ASIC2: variants seen among roughly 807,000 people sequenced by gnomAD.
The protein encoded by ASIC2 is acid-sensing ion channel 2.
Under a neutral mutation model 57.3 loss-of-function variants are expected in ASIC2, and 25 were observed. The observed-to-expected ratio is 0.44, with a 90% CI of 0.32 to 0.61. ASIC2 has a LOEUF of 0.61. Ranked by LOEUF, ASIC2 falls within the 20% of genes least tolerant of loss-of-function variation. ASIC2 has a pLI of 0.06. For missense variants in ASIC2, 641 were observed against 738.1 expected, an observed-to-expected ratio of 0.87 and a Z score of 1.52; for synonymous variants, 319 against 307.5, an observed-to-expected ratio of 1.04 and a Z score of -0.39.
chr17:33,997,238 C>A (rs969070794), intron 1 of ASIC2, among the ~76,000 whole-genome samples: 2 of 151,438 alleles, frequency 1.3e-5, no homozygotes, highest in Admixed American at 1.3e-4. Context: ...ACCTCCTGGG[C>A]TCAAGCTATC....
At chr17:33,667,127 GAACGATTCT>G (rs1377172552) in intron 1 of ASIC2, among the ~76,000 whole-genome samples, 1 of 152,154 alleles carries the variant, frequency 6.6e-6, no homozygotes, top group Non-Finnish European at 1.5e-5. Flanking sequence ...GATGAGATAA[GAACGATTCT>G]AAATCTCAGC....
intron 1 of ASIC2, among the ~76,000 whole-genome samples, chr17:33,197,962 C>T (rs571516315): frequency 7.9e-5 from 12 of 152,306 alleles, no homozygotes; most frequent in African/African-American, 2.9e-4. Flanking sequence ...CGTCCTGGGC[C>T]TCACAGATGT....
chr17:33,413,979 C>T, intron 1 of ASIC2, among the ~76,000 whole-genome samples: 1 of 152,200 alleles, frequency 6.6e-6, no homozygotes, highest in East Asian at 1.9e-4. Flanking sequence ...GGAAGGCAGG[C>T]AAGTTGCCTA....
At chr17:33,892,774 T>C (rs1214246102) in intron 1 of ASIC2, among the ~76,000 whole-genome samples, 1 of 152,142 alleles carries the variant, frequency 6.6e-6, no homozygotes, top group Non-Finnish European at 1.5e-5. Context: ...CACACTGGAG[T>C]ACTACCTACA....
At chr17:34,044,611 G>A (rs1262496513) in intron 1 of ASIC2, among the ~76,000 whole-genome samples, 1 of 152,168 alleles carries the variant, frequency 6.6e-6, no homozygotes, top group African/African-American at 2.4e-5. Context: ...GGCACCTAGA[G>A]GAGGATCAGA....
intron 1 of ASIC2, among the ~76,000 whole-genome samples, chr17:33,865,277 T>A (rs910200854): frequency 6.6e-6 from 1 of 152,220 alleles, no homozygotes; most frequent in Non-Finnish European, 1.5e-5. Flanking sequence ...GTAAGCCACA[T>A]TTTGTTCCAT....
intron 1 of ASIC2, among the ~76,000 whole-genome samples, chr17:33,866,401 A>G (rs1015783523): frequency 3.3e-5 from 5 of 152,118 alleles, no homozygotes; most frequent in Admixed American, 3.3e-4. Context: ...ATAGTTTTCT[A>G]TTGATGAAAA....
At position 33,308,211 on chromosome 17, in the gene ASIC2, T is replaced by C. The variant is rs114153775; in HGVS notation, c.556-196144A>G. ...GATTCAATGGCCTTCAGCTTATTAT[T>C]TCAGAAATCTCTAAATTTATGTTTT... On this transcript the variant is annotated intron_variant, in intron 1 of 9. Coordinates refer to the ASIC2 transcript ENST00000359872. Among the ~76,000 whole-genome samples, 1,259 of 152,308 alleles carry C rather than the reference T, an allele frequency of 8.3e-3. 11 individuals are homozygous for C. Among genetic ancestry groups the C allele is most frequent in the African/African-American group, 0.022 (928 of 41,554 alleles).
chr17:34,042,432 G>A (rs1008522694), intron 1 of ASIC2, among the ~76,000 whole-genome samples: 5 of 151,890 alleles, frequency 3.3e-5, no homozygotes, highest in South Asian at 2.1e-4. Flanking sequence ...ATTATCCCGA[G>A]TAAAAGAATC....
chr17:33,269,608 T>TCCTTC (rs1369964916), intron 1 of ASIC2, among the ~76,000 whole-genome samples: 66 of 151,232 alleles, frequency 4.4e-4, no homozygotes, highest in African/African-American at 1.6e-3. Context: ...ACCTAAGGGC[T>TCCTTC]CCTTCCCTTC....
intron 1 of ASIC2, among the ~76,000 whole-genome samples, chr17:33,912,173 CTA>C (rs1425520179): frequency 6.8e-5 from 9 of 132,534 alleles, no homozygotes; most frequent in Non-Finnish European, 1.4e-4. Context: ...CTGTGAATCA[CTA>C]TGTCCTAATA....
At chr17:33,793,321 C>T (rs1245389259) in intron 1 of ASIC2, 1 of 152,226 alleles carries the variant, frequency 6.6e-6, no homozygotes, top group Non-Finnish European at 1.5e-5. Flanking sequence ...GTTATTTTAT[C>T]TTATCCTCAC....
intron 1 of ASIC2, among the ~76,000 whole-genome samples, chr17:33,447,010 T>C (rs1912048598): frequency 6.6e-6 from 1 of 152,204 alleles, no homozygotes; most frequent in African/African-American, 2.4e-5. Context: ...ACCCCCATCC[T>C]GCCTGGCCCT....
intron 1 of ASIC2, among the ~76,000 whole-genome samples, chr17:33,287,084 T>C (rs1567810962): frequency 1.3e-5 from 2 of 152,242 alleles, no homozygotes; most frequent in Admixed American, 6.5e-5. Flanking sequence ...GTCAAGACAC[T>C]GAGCTGAGCA....
chr17:33,107,303 G>T (rs772597807), intron 2 of ASIC2, among the ~76,000 whole-genome samples: 1 of 152,148 alleles, frequency 6.6e-6, no homozygotes, highest in Non-Finnish European at 1.5e-5. Flanking sequence ...GTGGTCAAAG[G>T]CATTTGGGAA....
At chr17:33,630,537 C>A (rs1338840789) in intron 1 of ASIC2, among the ~76,000 whole-genome samples, 1 of 152,130 alleles carries the variant, frequency 6.6e-6, no homozygotes, top group Admixed American at 6.5e-5. Flanking sequence ...CCTTTAGGAC[C>A]ATGCCACTTA....
intron 1 of ASIC2, among the ~76,000 whole-genome samples, chr17:33,155,733 T>C (rs1323337418): frequency 6.6e-6 from 1 of 151,870 alleles, no homozygotes; most frequent in African/African-American, 2.4e-5. Context: ...CTAATTTTTG[T>C]ATTTTTAGTA....
chr17:33,499,770 T>C (rs963139797), intron 1 of ASIC2, among the ~76,000 whole-genome samples: 2 of 152,228 alleles, frequency 1.3e-5, no homozygotes, highest in African/African-American at 2.4e-5. Context: ...TTGGCCACTT[T>C]CTGTTGGATT....
chr17:33,772,000 AG>A (rs1911127870), intron 1 of ASIC2, among the ~76,000 whole-genome samples: 5 of 152,204 alleles, frequency 3.3e-5, no homozygotes, highest in Admixed American at 3.3e-4. Context: ...CCTCAGAAGC[AG>A]AAGCTTTTCT....
Sources: gnomAD v4.1 joint callset for allele counts (sites outside exome capture counted in the v4.1 genomes callset) on GRCh38, gnomAD v4.1.1 for gene constraint, MANE v1.5 for transcripts, NCBI Gene and HGNC (gene_info 2026-07-23, HGNC 2026-07-21) for gene names.